EDIL3: variants seen among roughly 807,000 people sequenced by gnomAD.
EDIL3 encodes the protein EGF-like repeat and discoidin I-like domain-containing protein 3.
A neutral mutation model predicts 67.4 loss-of-function variants in EDIL3; 37 were observed. That is an observed-to-expected ratio of 0.55 (90% confidence interval 0.42 to 0.72). The LOEUF is 0.72. Ranked by LOEUF, EDIL3 falls within the 30% of genes least tolerant of loss-of-function variation. EDIL3 has a pLI of 0.00. For synonymous variants in EDIL3, 195 were observed against 196.3 expected, an observed-to-expected ratio of 0.99 and a Z score of 0.05; for missense variants, 527 against 586.3, an observed-to-expected ratio of 0.90 and a Z score of 1.04.
intron 2 of EDIL3, among the ~76,000 whole-genome samples, chr5:84,238,752 G>A (rs1744732208): frequency 7.9e-6 from 1 of 125,838 alleles, no homozygotes; most frequent in African/African-American, 3.0e-5. Flanking sequence ...ATATAACATT[G>A]ACAATGTAAT....
intron 3 of EDIL3, among the ~76,000 whole-genome samples, chr5:84,224,730 A>G (rs1214806131): frequency 6.6e-6 from 1 of 151,594 alleles, no homozygotes; most frequent in African/African-American, 2.4e-5. Context: ...AGGCATATAT[A>G]TTAGACCAAA....
At chr5:84,309,314 T>G (rs1302708945) in intron 1 of EDIL3, among the ~76,000 whole-genome samples, 1 of 126,544 alleles carries the variant, frequency 7.9e-6, no homozygotes, top group Non-Finnish European at 1.6e-5. Context: ...TTTTTCTTTG[T>G]TTTTTTTTTT....
At chr5:84,155,244 G>C (rs567179342) in intron 4 of EDIL3, among the ~76,000 whole-genome samples, 151 of 152,246 alleles carry the variant, frequency 9.9e-4, no homozygotes, top group Non-Finnish European at 1.9e-3. Flanking sequence ...GCTAGTCATA[G>C]AAGTCTAAGT....
intron 10 of EDIL3, among the ~76,000 whole-genome samples, chr5:83,952,812 C>T (rs1744444575): frequency 6.6e-6 from 1 of 151,758 alleles, no homozygotes; most frequent in Admixed American, 6.6e-5. Context: ...GTAATTCTTC[C>T]CGCATTAGGA....
rs189495051 is a variant in EDIL3 at position 84,007,303 on chromosome 5, C to T, written c.1138-43943G>A. On this transcript the variant is annotated intron_variant, in intron 9 of 10. Transcript: ENST00000296591. ...CCCATTGAGTTAAAAAGCTTCTGTA[C>T]AGCAAAGGAAGCAATCAACGAAGTG... Among the ~76,000 whole-genome samples, 376 of 152,154 alleles carry T rather than the reference C, an allele frequency of 2.5e-3. 1 individual carries two copies. The highest frequency in any genetic ancestry group is 6.4e-3 in the Admixed American group (98 of 15,272).
At chr5:84,151,992 C>A (rs1007937167) in intron 4 of EDIL3, among the ~76,000 whole-genome samples, 2 of 151,652 alleles carry the variant, frequency 1.3e-5, no homozygotes, top group East Asian at 3.9e-4. Context: ...AGGCTCACTG[C>A]AACCTCCGCC....
At chr5:84,140,806 A>C (rs2112319656) in intron 4 of EDIL3, among the ~76,000 whole-genome samples, 1 of 152,282 alleles carries the variant, frequency 6.6e-6, no homozygotes, top group Admixed American at 6.5e-5. Context: ...CTAAGTTAGT[A>C]AAACATTTCT....
intron 1 of EDIL3, among the ~76,000 whole-genome samples, chr5:84,353,899 T>C (rs996531823): frequency 2.6e-5 from 4 of 152,202 alleles, no homozygotes; most frequent in Admixed American, 1.3e-4. Flanking sequence ...AAATCAACAA[T>C]ACACAGGTTC....
Position 83,963,200 on chromosome 5 carries a change from C to G in EDIL3, c.1293+5G>C. 1 of 1,587,218 alleles carries G rather than the reference C, an allele frequency of 6.3e-7. No individual in the cohort carries two copies. On this transcript the variant is annotated splice_donor_5th_base_variant and intron_variant, in intron 10 of 10. Coordinates refer to ENST00000296591, the MANE Select transcript of EDIL3 (RefSeq NM_005711.5). ...GAACTTTATAAACCGATTTGGCTGACTTACCTTATCTTTTCTTTGCTTTTC... is the reference window on the plus strand; with the variant it reads ...GAACTTTATAAACCGATTTGGCTGAGTTACCTTATCTTTTCTTTGCTTTTC...
At chr5:83,954,714 A>G (rs1744482326) in intron 10 of EDIL3, among the ~76,000 whole-genome samples, 1 of 151,760 alleles carries the variant, frequency 6.6e-6, no homozygotes, top group Non-Finnish European at 1.5e-5. Context: ...ACCACTAGTC[A>G]ATGGTTACTG....
intron 4 of EDIL3, among the ~76,000 whole-genome samples, chr5:84,167,914 C>T (rs1474561844): frequency 1.3e-5 from 2 of 152,076 alleles, no homozygotes; most frequent in Non-Finnish European, 2.9e-5. Flanking sequence ...AGAAACAATT[C>T]CTTTACTTAT....
chr5:84,272,162 T>C (rs1244269011), intron 1 of EDIL3, among the ~76,000 whole-genome samples: 1 of 152,096 alleles, frequency 6.6e-6, no homozygotes, highest in African/African-American at 2.4e-5. Context: ...AATATAATTA[T>C]TTATATTTTT....
At chr5:84,126,462 TA>T (rs966338654) in intron 5 of EDIL3, among the ~76,000 whole-genome samples, 1 of 152,086 alleles carries the variant, frequency 6.6e-6, no homozygotes, top group African/African-American at 2.4e-5. Flanking sequence ...TCAAAATATT[TA>T]AAAATATGTG....
chr5:84,145,127 T>C (rs1421931618), intron 4 of EDIL3, among the ~76,000 whole-genome samples: 4 of 152,152 alleles, frequency 2.6e-5, no homozygotes, highest in Non-Finnish European at 4.4e-5. Context: ...GACAGACAAT[T>C]ATAATACAAT....
At chr5:83,950,248 G>A (rs1000018225) in intron 10 of EDIL3, among the ~76,000 whole-genome samples, 1 of 151,784 alleles carries the variant, frequency 6.6e-6, no homozygotes, top group Non-Finnish European at 1.5e-5. Flanking sequence ...TTTTAGTTGT[G>A]TTTGTGAGTT....
rs116604340 is a variant in EDIL3 at position 83,996,252 on chromosome 5, C to T, written c.1138-32892G>A. On this transcript the variant is annotated intron_variant, in intron 9 of 10. Coordinates refer to ENST00000296591, the MANE Select transcript of EDIL3 (RefSeq NM_005711.5). ...AGTGTTGAGTAGAATTTTCATGGTGCCTATATTTCTGGATAATTATAGTTA... is the reference window on the plus strand; with the variant it reads ...AGTGTTGAGTAGAATTTTCATGGTGTCTATATTTCTGGATAATTATAGTTA... Among the ~76,000 whole-genome samples, 1,102 of 152,174 alleles carry T rather than the reference C, an allele frequency of 7.2e-3. 10 individuals carry two copies. The highest frequency in any genetic ancestry group is 0.026 in the African/African-American group (1,060 of 41,498).
intron 2 of EDIL3, among the ~76,000 whole-genome samples, chr5:84,248,082 CT>C (rs1164969306): frequency 1.3e-5 from 2 of 152,114 alleles, no homozygotes; most frequent in Non-Finnish European, 2.9e-5. Flanking sequence ...ATAGCTGATA[CT>C]CAAATATTTG....
chr5:84,039,774 A>G (rs1314359897), intron 9 of EDIL3, among the ~76,000 whole-genome samples: 1 of 152,098 alleles, frequency 6.6e-6, no homozygotes, highest in Non-Finnish European at 1.5e-5. Context: ...GTAAGCACAA[A>G]CCTGCACATT....
chr5:84,066,861 A>G (rs947713191), intron 6 of EDIL3, among the ~76,000 whole-genome samples: 9 of 152,226 alleles, frequency 5.9e-5, no homozygotes, highest in Non-Finnish European at 8.8e-5. Context: ...CCCCAAAAAC[A>G]TAAGTATAGA....
Sources: gnomAD v4.1 joint callset for allele counts (sites outside exome capture counted in the v4.1 genomes callset) on GRCh38, gnomAD v4.1.1 for gene constraint, MANE v1.5 for transcripts, NCBI Gene and HGNC (gene_info 2026-07-23, HGNC 2026-07-21) for gene names.